The following TIMM50 variants were observed in gnomAD, a reference collection of about 807,000 sequenced individuals.
TIMM50 encodes mitochondrial import inner membrane translocase subunit TIM50.
Under a neutral mutation model 49.6 loss-of-function variants are expected in TIMM50, and 34 were observed. The observed-to-expected ratio is 0.69, with a 90% CI of 0.52 to 0.91. TIMM50 has a LOEUF of 0.91. Among genes scored for constraint, TIMM50 ranks in the 40% least tolerant of loss-of-function variants. The pLI is 0.00. For missense variants in TIMM50, 458 were observed against 477.8 expected, an observed-to-expected ratio of 0.96 and a Z score of 0.39; for synonymous variants, 199 against 198.4, an observed-to-expected ratio of 1.00 and a Z score of -0.03.
chr19:39,480,934 G>C lies in TIMM50; in HGVS notation c.81G>C (p.Ala27=). The change falls in exon 1 of 11, where the codon GCG becomes GCC. Residue 27 remains alanine (A), a synonymous_variant. Coordinates refer to ENST00000607714, the MANE Select transcript of TIMM50 (RefSeq NM_001001563.5). ...LGSRGLCTRL[A]TPPRRAPDQA... is the part of the protein sequence containing the mutation. ...CGCGGGGACTGTGCACGAGGTTGGC[G>C]ACGCCGCCCCGCCGGGCCCCAGATC... is the stretch of plus-strand genomic sequence containing the variant. 1.9e-6 allele frequency: 3 copies of C among 1,586,138 alleles called. No homozygotes were observed. The highest frequency in any genetic ancestry group is 2.6e-6 in the Non-Finnish European group (3 of 1,174,314).
chr19:39,489,807 C>T lies in TIMM50; in HGVS notation c.1049C>T (p.Ser350Phe), dbSNP rs148698299. The T allele has an allele frequency of 6.2e-6, 10 of 1,608,756 alleles. No individual in the cohort carries two copies. In the African/African-American group the frequency reaches 1.1e-4, roughly 17 times the overall value. The change falls in exon 11 of 11, where the codon TCC becomes TTC. Residue 350 changes from serine (S) to phenylalanine (F), a missense_variant. Transcript: ENST00000607714. ...GSLTSRLWPRSKQP is the reference protein window; with the variant it reads ...GSLTSRLWPRFKQP ...CTCACCAGCCGCTTGTGGCCTCGCT[C>T]CAAACAGCCCTGAACTCTGGGCCTC... is the stretch of plus-strand genomic sequence containing the variant.
At position 39,488,224 on chromosome 19, in the gene TIMM50, C is replaced by G. The variant is rs2144738298; in HGVS notation, c.853+7C>G. On this transcript the variant is annotated splice_region_variant and intron_variant, in intron 9 of 10. Coordinates refer to ENST00000607714, the MANE Select transcript of TIMM50 (RefSeq NM_001001563.5). ...CTGTCTGCCTTCCTCAAGAGTAAGG[C>G]TGACCCCTGATCCCTTGGCCTCTGA... is the stretch of plus-strand genomic sequence containing the variant. 6.2e-7 allele frequency: 1 copy of G among 1,608,542 alleles called. No individual in the cohort carries two copies. Among genetic ancestry groups the G allele is most frequent in the East Asian group, 2.2e-5 (1 of 44,664 alleles).
intron 2 of TIMM50, 24 bp from the exon 3 acceptor site, chr19:39,482,859 CAT>C: frequency 6.2e-7 from 1 of 1,614,050 alleles, no homozygotes; most frequent in Non-Finnish European, 8.5e-7. Context: ...CCTAATTCCT[CAT>C]ATTCATCCTG....
rs758274664 is a variant in TIMM50 at position 39,489,714 on chromosome 19, C to T, written c.961-5C>T. On this transcript the variant is annotated splice_polypyrimidine_tract_variant and splice_region_variant and intron_variant, in intron 10 of 10. Coordinates refer to ENST00000607714, the MANE Select transcript of TIMM50 (RefSeq NM_001001563.5). ...CCCTCTCCTCCAACTGTCCCCCTACCCCAGGAGGAGCAGCAGCGCCTGGCC... is the reference window on the plus strand; with the variant it reads ...CCCTCTCCTCCAACTGTCCCCCTACTCCAGGAGGAGCAGCAGCGCCTGGCC... 1 of 1,602,980 alleles carries T rather than the reference C, an allele frequency of 6.2e-7. No homozygotes were observed. The highest frequency in any genetic ancestry group is 1.1e-5 in the South Asian group (1 of 88,680).
rs2079535013 is a variant in TIMM50, at chr19:39,490,061, T to C, written c.*241T>C. ...TTGGATCAGAGCAGATTTTTCACCCTGGTCTCGGAATCTAAAAACCCTCGC... is the reference window on the plus strand; with the variant it reads ...TTGGATCAGAGCAGATTTTTCACCCCGGTCTCGGAATCTAAAAACCCTCGC... On this transcript the variant is annotated 3_prime_UTR_variant, in exon 11 of 11. Coordinates refer to ENST00000607714, the MANE Select transcript of TIMM50 (RefSeq NM_001001563.5). 3.7e-6 allele frequency: 2 copies of C among 536,414 alleles called. No individual in the cohort carries two copies. Among genetic ancestry groups the C allele is most frequent in the Non-Finnish European group, 6.7e-6 (2 of 299,296 alleles). The allele number at this position is 536,414 out of a possible 1,614,324, so 33.2% of individuals were successfully genotyped here.
Position 39,492,708 on chromosome 19 carries a change from AAAATACAAAT to A in TIMM50, c.*2893_*2902del, listed in dbSNP as rs1334078080. On this transcript the variant is annotated 3_prime_UTR_variant, in exon 11 of 11. Transcript: ENST00000607714. The stretch of plus-strand genomic sequence containing the variant: ...ATGGTGAAACCCTGTCTCTACTAAA[AAAATACAAAT>A]AAATTAGCTGGGCATGGTGGTGGGT... 3 of 151,684 alleles carry A rather than the reference AAAATACAAAT, an allele frequency of 2.0e-5. No homozygotes were observed. The highest frequency in any genetic ancestry group is 7.3e-5 in the African/African-American group (3 of 41,280). The allele number at this position is 151,684 out of a possible 1,614,324, so 9.4% of individuals were successfully genotyped here.
intron 4 of TIMM50, among the ~76,000 whole-genome samples, chr19:39,484,521 C>G (rs1488511783): frequency 6.6e-6 from 1 of 152,060 alleles, no homozygotes; most frequent in Non-Finnish European, 1.5e-5. Flanking sequence ...GAGGACTGCC[C>G]TGTGCATTGA....
At position 39,489,801 on chromosome 19, in the gene TIMM50, C is replaced by G. The variant is rs777794914; in HGVS notation, c.1043C>G (p.Pro348Arg). The change falls in exon 11 of 11, where the codon CCT (proline) becomes CGT (arginine). Residue 348 changes from proline (P) to arginine (R), a missense_variant. By Grantham distance (103) the Pro-to-Arg change is moderately radical. Coordinates refer to ENST00000607714, the MANE Select transcript of TIMM50 (RefSeq NM_001001563.5). Reference sequence around the variant, plus strand: ...GGCTCCCTCACCAGCCGCTTGTGGCCTCGCTCCAAACAGCCCTGAACTCTG... The same window carrying G: ...GGCTCCCTCACCAGCCGCTTGTGGCGTCGCTCCAAACAGCCCTGAACTCTG... ...FLGSLTSRLW[P>R]RSKQP is the part of the protein sequence containing the mutation. 4 of 1,610,134 alleles carry G rather than the reference C, an allele frequency of 2.5e-6. No individual in the cohort carries two copies. Among genetic ancestry groups the G allele is most frequent in the South Asian group, 2.2e-5 (2 of 89,750 alleles).
In TIMM50 at chr19:39,482,882, CA is replaced by C; in HGVS notation, c.260-2del. 1 of 1,614,086 alleles carries C rather than the reference CA, an allele frequency of 6.2e-7. No homozygotes were observed. Among genetic ancestry groups the C allele is most frequent in the Non-Finnish European group, 8.5e-7 (1 of 1,179,994 alleles). ...CTCATATTCATCCTGGTCTCCCTTG[CA>C]GGAAACAACCCGGTGGACGAAAATG... is the stretch of plus-strand genomic sequence containing the variant. On this transcript the variant is annotated splice_acceptor_variant, in intron 2 of 10. Transcript: ENST00000607714. LOFTEE classifies it high-confidence loss of function.
intron 2 of TIMM50, 129 bp from the exon 3 acceptor site, chr19:39,482,756 C>G: frequency 8.0e-7 from 1 of 1,251,834 alleles, no homozygotes; most frequent in Admixed American, 2.1e-5. Flanking sequence ...CCCCTCCTGG[C>G]TTGACTCCAG....
At position 39,492,886 on chromosome 19, in the gene TIMM50, A is replaced by AAAAAAAAAAC. The variant is rs1836623808; in HGVS notation, c.*3072_*3073insAAACAAAAAA. ...GCTCTGTCTCCAAAAAAAAAAAAAAAAAAAAACAAAAAAAAAACCAGTTTG... is the reference window on the plus strand; with the variant it reads ...GCTCTGTCTCCAAAAAAAAAAAAAAAAAAAAAAAACAAAAAACAAAAAAAAAACCAGTTTG... On this transcript the variant is annotated 3_prime_UTR_variant, in exon 11 of 11. Transcript: ENST00000607714. The AAAAAAAAAAC allele has an allele frequency of 2.1e-5, 3 of 142,006 alleles. No individual in the cohort carries two copies. The highest frequency in any genetic ancestry group is 2.0e-4 in the East Asian group (1 of 4,882). The allele number at this position is 142,006 out of a possible 1,614,324, so 8.8% of individuals were successfully genotyped here. A position where few individuals can be genotyped will look rare whatever the true frequency, so the allele number is the denominator to read the frequency against.
At chr19:39,482,159 A>G in intron 2 of TIMM50, 126 bp downstream of exon 2, 1 of 1,226,066 alleles carries the variant, frequency 8.2e-7, no homozygotes, top group South Asian at 1.5e-5. Context: ...TCAATAGGGC[A>G]GCCAAATAAG....
In TIMM50 at chr19:39,492,876, A is replaced by AAAAAC. The variant is rs1485297209; in HGVS notation, c.*3060_*3061insCAAAA. Reference sequence around the variant, plus strand: ...ACAGAGTAAGGCTCTGTCTCCAAAAAAAAAAAAAAAAAAAAACAAAAAAAA... The same window carrying AAAAAC: ...ACAGAGTAAGGCTCTGTCTCCAAAAAAAAACAAAAAAAAAAAAAAAACAAAAAAAA... On this transcript the variant is annotated 3_prime_UTR_variant, in exon 11 of 11. Transcript: ENST00000607714. 4.1e-5 allele frequency: 6 copies of AAAAAC among 145,044 alleles called. No individual in the cohort carries two copies. The highest frequency in any genetic ancestry group is 6.0e-5 in the Non-Finnish European group (4 of 66,996). The allele number at this position is 145,044 out of a possible 1,614,324, so 9.0% of individuals were successfully genotyped here.
rs1418129052 is a variant in TIMM50, at chr19:39,490,824, C to T, written c.*1004C>T. 3 of 151,924 alleles carry T rather than the reference C, an allele frequency of 2.0e-5. No individual in the cohort carries two copies. Among genetic ancestry groups the T allele is most frequent in the African/African-American group, 4.8e-5 (2 of 41,388 alleles). The allele number at this position is 151,924 out of a possible 1,614,324, so 9.4% of individuals were successfully genotyped here. On this transcript the variant is annotated 3_prime_UTR_variant, in exon 11 of 11. Coordinates refer to ENST00000607714, the MANE Select transcript of TIMM50 (RefSeq NM_001001563.5). ...ATCACCTGAGGTCAGGAGTTCAAGA[C>T]CAGCCTCAACATGGAGAAACCCCAT...
At chr19:39,483,600 GTAGCTGTCA>G in intron 4 of TIMM50, 1 of 166,426 alleles carries the variant, frequency 6.0e-6, no homozygotes, top group Non-Finnish European at 1.3e-5. Context: ...ATAGTAGAGA[GTAGCTGTCA>G]ATCCTGTCAC....
In TIMM50 at chr19:39,488,168, C is replaced by T. The variant is rs115815066; in HGVS notation, c.804C>T (p.Asp268=). 1.2e-4 allele frequency: 188 copies of T among 1,613,998 alleles called. No homozygotes were observed. The East Asian group carries it at 3.0e-3, about 26-fold the overall frequency. ...PYNGVALRPW[D]GNSDDRVLLD... ...ACGGCGTTGCCCTGCGGCCCTGGGACGGCAACTCTGATGACCGGGTCTTGT... is the reference window on the plus strand; with the variant it reads ...ACGGCGTTGCCCTGCGGCCCTGGGATGGCAACTCTGATGACCGGGTCTTGT... Residue 268 remains aspartate, a synonymous_variant, in exon 9 of 11, where the codon GAC becomes GAT. Transcript: ENST00000607714.
Position 39,488,665 on chromosome 19 carries a change from G to A in TIMM50, c.960+20G>A. The A allele has an allele frequency of 6.2e-7, 1 of 1,604,670 alleles. No homozygotes were observed. The highest frequency in any genetic ancestry group is 8.5e-7 in the Non-Finnish European group (1 of 1,171,886). ...GAGCAGGTTGGTGCTCAGATGCCCA[G>A]AGTGGAGGATCGGCTCTGAGGCTCC... On this transcript the variant is annotated intron_variant, in intron 10 of 10. Transcript: ENST00000607714.
chr19:39,490,667 G>C lies in TIMM50; in HGVS notation c.*847G>C, dbSNP rs2079539188. The C allele has an allele frequency of 6.6e-6, 1 of 151,896 alleles. No homozygotes were observed. The highest frequency in any genetic ancestry group is 2.1e-4 in the South Asian group (1 of 4,806). The allele number at this position is 151,896 out of a possible 1,614,324, so 9.4% of individuals were successfully genotyped here. ...GGCCTCCCAAAGCGCTAGGATTCCA[G>C]GTGTGAGCTACTGTGCCCAGCTAAA... On this transcript the variant is annotated 3_prime_UTR_variant, in exon 11 of 11. Transcript: ENST00000607714.
chr19:39,483,085 G>T (rs979445992), intron 3 of TIMM50, 50 bp from the exon 4 acceptor site: 17 of 1,613,490 alleles, frequency 1.1e-5, no homozygotes, highest in Non-Finnish European at 1.4e-5. Context: ...TATGTGATGG[G>T]GTTCTGCCTC....
Sources: allele counts gnomAD v4.1 joint callset (sites outside exome capture counted in the v4.1 genomes callset), GRCh38; gene constraint gnomAD v4.1.1; transcripts MANE v1.5; gene names NCBI Gene and HGNC (gene_info 2026-07-23, HGNC 2026-07-21).